Variants in ACAD11 observed in about 807,000 individuals in gnomAD.
The protein encoded by ACAD11 is acyl-Coenzyme A dehydrogenase family, member 11.
Under a neutral mutation model 102.2 loss-of-function variants are expected in ACAD11, and 83 were observed. The ratio of observed to expected loss-of-function variants is 0.81; its 90% confidence interval spans 0.68 to 0.97. ACAD11 has a LOEUF of 0.97. Ranked by LOEUF, ACAD11 falls within the 50% of genes least tolerant of loss-of-function variation. ACAD11 has a pLI of 0.00. For missense variants in ACAD11, 901 were observed against 951.7 expected (o/e 0.95, Z 0.70); for synonymous variants, 324 against 319.8 (o/e 1.01, Z -0.14).
chr3:132,639,398 G>A, intron 5 of ACAD11, 94 bp downstream of exon 5: 1 of 1,253,484 alleles, frequency 8.0e-7, no homozygotes, highest in Non-Finnish European at 1.1e-6. Flanking sequence ...CAGGGAGTGG[G>A]TTGGGCTCCC....
intron 17 of ACAD11, among the ~76,000 whole-genome samples, chr3:132,568,240 CA>C (rs962130704): frequency 9.9e-5 from 15 of 151,926 alleles, no homozygotes; most frequent in African/African-American, 3.4e-4. Flanking sequence ...AAAAACAAAA[CA>C]AAAAAACTAT....
chr3:132,630,566 A>T lies in ACAD11; in HGVS notation c.842-8T>A. On this transcript the variant is annotated splice_region_variant and splice_polypyrimidine_tract_variant and intron_variant, in intron 6 of 19. Coordinates refer to ENST00000264990, the MANE Select transcript of ACAD11 (RefSeq NM_032169.5). ...CTTCCATTGATGGTATCCCTATAAAAACAGCATGTAATATAAACTTTAATT... is the reference window on the plus strand; with the variant it reads ...CTTCCATTGATGGTATCCCTATAAATACAGCATGTAATATAAACTTTAATT... 6.3e-7 allele frequency: 1 copy of T among 1,597,956 alleles called. No individual in the cohort carries two copies. The highest frequency in any genetic ancestry group is 8.5e-7 in the Non-Finnish European group (1 of 1,173,052).
At position 132,581,747 on chromosome 3, in the gene ACAD11, T is replaced by C. The variant is rs568909654; in HGVS notation, c.1622-2189A>G. 4.4e-4 allele frequency among the ~76,000 whole-genome samples: 67 copies of C among 152,154 alleles called. No homozygotes were observed. In the South Asian group the frequency reaches 9.7e-3, roughly 22 times the overall value. On this transcript the variant is annotated intron_variant, in intron 13 of 19. Coordinates refer to ENST00000264990, the MANE Select transcript of ACAD11 (RefSeq NM_032169.5). ...ATAGTATATGAGAAAAGCATTCTAATTGACCTTGATTCTAGAAACAGTCCT... is the reference window on the plus strand; with the variant it reads ...ATAGTATATGAGAAAAGCATTCTAACTGACCTTGATTCTAGAAACAGTCCT...
At chr3:132,605,734 G>A (rs969435405) in intron 11 of ACAD11, among the ~76,000 whole-genome samples, 3 of 152,122 alleles carry the variant, frequency 2.0e-5, no homozygotes, top group African/African-American at 7.2e-5. Context: ...CTGCGTATGA[G>A]CCACCTCCTC....
Position 132,644,331 on chromosome 3 carries a change from C to G in ACAD11, c.249+466G>C, listed in dbSNP as rs536951964. Among the ~76,000 whole-genome samples the G allele has an allele frequency of 1.2e-4, 18 of 152,324 alleles. No individual in the cohort carries two copies. The East Asian group carries it at 3.5e-3, about 29-fold the overall frequency. ...CAACAAAAATCTTTTAGAATTCTCA[C>G]TGTCTAATATTTAGAGAGTACTATA... On this transcript the variant is annotated intron_variant, in intron 2 of 19. Transcript: ENST00000264990.
chr3:132,626,708 T>C lies in ACAD11; in HGVS notation c.1180A>G (p.Ile394Val), dbSNP rs144636376. Residue 394 changes from isoleucine to valine, a missense_variant, in exon 9 of 20, where the codon ATT (isoleucine) becomes GTT (valine). Transcript: ENST00000264990. ...ATACTCACCTTTTCAGCTGGAAGAA[T>C]GTGTTGTTTCATGAAATGCTTCACC... is the stretch of plus-strand genomic sequence containing the variant. ...IKVKHFMKQH[I>V]LPAEKEVTEF... The C allele has an allele frequency of 3.7e-6, 6 of 1,613,710 alleles. No homozygotes were observed. In the African/African-American group the frequency reaches 8.0e-5, roughly 22 times the overall value.
chr3:132,618,709 C>T lies in ACAD11; in HGVS notation c.1339G>A (p.Val447Met), dbSNP rs147696744. ...TCTTCAGCAATCAAGGCATAGTCCA[C>T]GTGGCTGAGTCCGCTGACAGCTGGC... is the stretch of plus-strand genomic sequence containing the variant. ...FLPAVSGLSHVDYALIAEETG... is the reference protein window; with the variant it reads ...FLPAVSGLSHMDYALIAEETG... The change falls in exon 11 of 20, where the codon GTG becomes ATG. Residue 447 changes from valine to methionine, a missense_variant. Physicochemically the swap from Val to Met is conservative, Grantham distance 21. Transcript: ENST00000264990. 1.9e-5 allele frequency: 30 copies of T among 1,604,432 alleles called. No homozygotes were observed. In the South Asian group the frequency reaches 1.9e-4, roughly 10 times the overall value.
At chr3:132,564,598 G>A (rs778576176) in intron 17 of ACAD11, among the ~76,000 whole-genome samples, 30 of 152,136 alleles carry the variant, frequency 2.0e-4, no homozygotes, top group Non-Finnish European at 3.7e-4. Context: ...GATCTGGAAT[G>A]GAGGAGACTC....
chr3:132,614,468 G>A (rs1005758016), intron 11 of ACAD11, among the ~76,000 whole-genome samples: 52 of 152,152 alleles, frequency 3.4e-4, no homozygotes, highest in African/African-American at 1.1e-3. Context: ...TACTGGTACC[G>A]AAATAGATAT....
At chr3:132,643,539 T>C (rs944106816) in intron 2 of ACAD11, among the ~76,000 whole-genome samples, 3 of 152,162 alleles carry the variant, frequency 2.0e-5, no homozygotes, top group Non-Finnish European at 4.4e-5. Flanking sequence ...GGCCCCAGAC[T>C]CAGGCAATGG....
At chr3:132,560,248 G>A (rs1200550425) in intron 18 of ACAD11, among the ~76,000 whole-genome samples, 2 of 152,122 alleles carry the variant, frequency 1.3e-5, no homozygotes, top group Non-Finnish European at 2.9e-5. Flanking sequence ...TAGTCCAAGG[G>A]TCTTTGCGCT....
chr3:132,630,541 C>T lies in ACAD11; in HGVS notation c.859G>A (p.Glu287Lys), dbSNP rs756185823. Reference protein sequence around the residue: ...SENSGIPSMEELISIYCRCRG... With the variant: ...SENSGIPSMEKLISIYCRCRG... ...CAGCGGCAATATATTGAAATCAGTTCTTCCATTGATGGTATCCCTATAAAA... is the reference window on the plus strand; with the variant it reads ...CAGCGGCAATATATTGAAATCAGTTTTTCCATTGATGGTATCCCTATAAAA... Residue 287 changes from glutamate to lysine, a missense_variant, in exon 7 of 20, where the codon GAA becomes AAA. Coordinates refer to ENST00000264990, the MANE Select transcript of ACAD11 (RefSeq NM_032169.5). 1.1e-5 allele frequency: 17 copies of T among 1,610,042 alleles called. No homozygotes were observed. The highest frequency in any genetic ancestry group is 1.4e-5 in the Non-Finnish European group (17 of 1,178,144).
At chr3:132,651,093 G>A (rs1358517841) in intron 1 of ACAD11, among the ~76,000 whole-genome samples, 1 of 152,106 alleles carries the variant, frequency 6.6e-6, no homozygotes, top group Non-Finnish European at 1.5e-5. Flanking sequence ...GGCTTCTTAA[G>A]TGGTAGATGT....
At chr3:132,644,026 C>T (rs1185057921) in intron 2 of ACAD11, among the ~76,000 whole-genome samples, 1 of 151,966 alleles carries the variant, frequency 6.6e-6, no homozygotes, top group Non-Finnish European at 1.5e-5. Flanking sequence ...TTTTTTTTAT[C>T]TTAAGCATCC....
intron 5 of ACAD11, among the ~76,000 whole-genome samples, chr3:132,634,438 A>G (rs1416319163): frequency 6.6e-6 from 1 of 152,052 alleles, no homozygotes; most frequent in African/African-American, 2.4e-5. Flanking sequence ...AGAAATAGGA[A>G]CACTTTTACA....
At chr3:132,605,803 A>C (rs1938813660) in intron 11 of ACAD11, among the ~76,000 whole-genome samples, 1 of 152,088 alleles carries the variant, frequency 6.6e-6, no homozygotes, top group South Asian at 2.1e-4. Flanking sequence ...CTTACATAAC[A>C]ATTATTTCTA....
chr3:132,655,055 GGTACAGTAAAAACACA>G lies in ACAD11; in HGVS notation c.149+4532_149+4547del, dbSNP rs1365326280. Among the ~76,000 whole-genome samples the G allele has an allele frequency of 3.3e-5, 5 of 152,100 alleles. No homozygotes were observed. The East Asian group carries it at 9.6e-4, about 29-fold the overall frequency. ...TCTAAACACATTTAAACATAGAAAA[GGTACAGTAAAAACACA>G]GTATTATAATCTAATGGGACCACTG... On this transcript the variant is annotated intron_variant, in intron 1 of 19. Coordinates refer to ENST00000264990, the MANE Select transcript of ACAD11 (RefSeq NM_032169.5).
At chr3:132,597,597 C>T (rs1938372390) in intron 13 of ACAD11, among the ~76,000 whole-genome samples, 1 of 151,806 alleles carries the variant, frequency 6.6e-6, no homozygotes, top group African/African-American at 2.4e-5. Flanking sequence ...CTTTTTTTCA[C>T]TTTCTTTTAC....
intron 7 of ACAD11, among the ~76,000 whole-genome samples, chr3:132,628,915 A>G (rs1476346682): frequency 6.6e-6 from 1 of 152,166 alleles, no homozygotes; most frequent in Non-Finnish European, 1.5e-5. Context: ...GTGTTAGTTG[A>G]ATGCTAATCA....
Sources: gnomAD v4.1 joint callset for allele counts (sites outside exome capture counted in the v4.1 genomes callset) on GRCh38, gnomAD v4.1.1 for gene constraint, MANE v1.5 for transcripts, NCBI Gene and HGNC (gene_info 2026-07-23, HGNC 2026-07-21) for gene names.